The following SOX5 variants were observed in gnomAD, a reference collection of about 807,000 sequenced individuals.
SOX5 encodes the protein transcription factor SOX-5.
A neutral mutation model predicts 92.0 loss-of-function variants in SOX5; 9 were observed. The ratio of observed to expected loss-of-function variants is 0.10; its 90% confidence interval spans 0.06 to 0.17. The LOEUF (loss-of-function observed/expected upper bound fraction) is 0.17, where lower values mean the gene tolerates loss of function less well. SOX5 is among the 10% of genes least tolerant of loss of function. The pLI is 1.00. For missense variants in SOX5, 642 were observed against 944.5 expected (o/e 0.68, Z 4.20); for synonymous variants, 344 against 336.3 (o/e 1.02, Z -0.25).
intron 6 of SOX5, among the ~76,000 whole-genome samples, chr12:23,714,144 G>T (rs1196729498): frequency 6.6e-6 from 1 of 150,952 alleles, no homozygotes; most frequent in Non-Finnish European, 1.5e-5. Flanking sequence ...TGGTACATTT[G>T]CTCTTTCTTA....
At chr12:23,847,485 T>A (rs2096587664) in intron 2 of SOX5, among the ~76,000 whole-genome samples, 1 of 152,174 alleles carries the variant, frequency 6.6e-6, no homozygotes, top group Admixed American at 6.6e-5. Flanking sequence ...CTTAAAAATA[T>A]GCTAACATAC....
chr12:23,711,685 A>G (rs1454228852), intron 6 of SOX5, among the ~76,000 whole-genome samples: 2 of 152,220 alleles, frequency 1.3e-5, no homozygotes, highest in Non-Finnish European at 2.9e-5. Flanking sequence ...AAACGTTAAC[A>G]GAAAGAATCT....
Position 23,753,150 on chromosome 12 carries a change from A to G in SOX5, c.568+2488T>C, listed in dbSNP as rs2094234240. On this transcript the variant is annotated intron_variant, in intron 4 of 14. Transcript: ENST00000451604. ...AAATGCTATTCATTTTTCCTATTTT[A>G]AAAAGTCTATCATTTTTTACTTTTT... Among the ~76,000 whole-genome samples, 3 of 151,786 alleles carry G rather than the reference A, an allele frequency of 2.0e-5. No individual in the cohort carries two copies. The South Asian group carries it at 6.2e-4, about 31-fold the overall frequency.
chr12:24,203,232 T>G (rs1957705619), intron 4 of SOX5, among the ~76,000 whole-genome samples: 1 of 152,224 alleles, frequency 6.6e-6, no homozygotes, highest in Non-Finnish European at 1.5e-5. Flanking sequence ...GGGAGCTACT[T>G]CAGGGTGGAT....
chr12:24,363,769 G>A (rs1461613103), intron 2 of SOX5, among the ~76,000 whole-genome samples: 1 of 151,660 alleles, frequency 6.6e-6, no homozygotes, highest in Non-Finnish European at 1.5e-5. Context: ...CCATATATAG[G>A]AGCAGGTGTC....
intron 1 of SOX5, among the ~76,000 whole-genome samples, chr12:23,901,070 A>G (rs1037408009): frequency 7.9e-5 from 12 of 152,216 alleles, no homozygotes; most frequent in Non-Finnish European, 1.8e-4. Flanking sequence ...GTGTAATTAA[A>G]TTAAGTATTT....
Position 24,065,572 on chromosome 12 carries a change from G to A in SOX5, c.-2+147771C>T, listed in dbSNP as rs945350320. Among the ~76,000 whole-genome samples, 8 of 149,362 alleles carry A rather than the reference G, an allele frequency of 5.4e-5. 1 individual carries two copies. The South Asian group carries it at 1.3e-3, about 24-fold the overall frequency. On this transcript the variant is annotated intron_variant, in intron 4 of 4. Coordinates refer to the SOX5 transcript ENST00000446891. ...TGAGGCAAGAGAATCGCTTGAACCC[G>A]GGAGGCAGAGGTTGCAGTGAGCTGA...
chr12:23,920,572 A>G (rs1231967141), intron 1 of SOX5: 1 of 152,250 alleles, frequency 6.6e-6, no homozygotes, highest in Admixed American at 6.5e-5. Context: ...AATTGGAAGT[A>G]GAAGCTTCTT....
chr12:24,542,425 A>T (rs1014344471), intron 1 of SOX5, among the ~76,000 whole-genome samples: 1 of 152,044 alleles, frequency 6.6e-6, no homozygotes, highest in Non-Finnish European at 1.5e-5. Flanking sequence ...TCGATAATAC[A>T]CTCGATAGCA....
At chr12:24,306,102 G>A (rs1298028883) in intron 2 of SOX5, among the ~76,000 whole-genome samples, 1 of 152,154 alleles carries the variant, frequency 6.6e-6, no homozygotes, top group Non-Finnish European at 1.5e-5. Flanking sequence ...CTGCTTAAGA[G>A]ATTGTCAGAC....
chr12:23,960,491 T>TTATATACATATATA (rs1946772139), intron 4 of SOX5, among the ~76,000 whole-genome samples: 1 of 133,966 alleles, frequency 7.5e-6, no homozygotes, highest in African/African-American at 2.8e-5. Context: ...TTATATATAT[T>TTATATACATATATA]TATATACATA....
At position 23,666,306 on chromosome 12, in the gene SOX5, T is replaced by C. The variant is rs575184165; in HGVS notation, c.811-742A>G. On this transcript the variant is annotated intron_variant, in intron 6 of 14. Transcript: ENST00000451604. ...TAGACCACAGGGTCTCCATTTTGGTTGTCATCTTTGGAATATACTCTAATT... is the reference window on the plus strand; with the variant it reads ...TAGACCACAGGGTCTCCATTTTGGTCGTCATCTTTGGAATATACTCTAATT... Among the ~76,000 whole-genome samples the C allele has an allele frequency of 2.6e-4, 39 of 152,272 alleles. No homozygotes were observed. The South Asian group carries it at 6.8e-3, about 27-fold the overall frequency.
At chr12:24,072,320 C>G (rs569312490) in intron 4 of SOX5, among the ~76,000 whole-genome samples, 2 of 152,070 alleles carry the variant, frequency 1.3e-5, no homozygotes, top group Admixed American at 1.3e-4. Context: ...ATGTGTGCTC[C>G]TAAAAGAAAT....
At chr12:24,476,165 C>T (rs767585366) in intron 1 of SOX5, among the ~76,000 whole-genome samples, 7 of 152,160 alleles carry the variant, frequency 4.6e-5, no homozygotes, top group Non-Finnish European at 1.0e-4. Flanking sequence ...AGGGATACAG[C>T]ATCTAAGACT....
At chr12:23,740,130 C>A (rs2140988539) in intron 5 of SOX5, among the ~76,000 whole-genome samples, 1 of 152,322 alleles carries the variant, frequency 6.6e-6, no homozygotes, top group South Asian at 2.1e-4. Flanking sequence ...GAGCTCTCTT[C>A]CAAAATGCTG....
intron 2 of SOX5, among the ~76,000 whole-genome samples, chr12:23,874,259 C>A (rs1421608625): frequency 6.6e-6 from 1 of 152,108 alleles, no homozygotes; most frequent in African/African-American, 2.4e-5. Flanking sequence ...AAAATAAATT[C>A]TAACATTCAT....
Position 23,591,423 on chromosome 12 carries a change from A to C in SOX5, c.1164+12964T>G, listed in dbSNP as rs550341335. 9.2e-4 allele frequency among the ~76,000 whole-genome samples: 140 copies of C among 152,260 alleles called. 1 individual carries two copies. Among genetic ancestry groups the C allele is most frequent in the Non-Finnish European group, 1.8e-3 (121 of 67,968 alleles). On this transcript the variant is annotated intron_variant, in intron 9 of 14. Coordinates refer to ENST00000451604, the MANE Select transcript of SOX5 (RefSeq NM_006940.6). ...TAATGTGGTCCATCCTATAGAATTGATATCTTCTTCACTTATTTTGTTGTA... is the reference window on the plus strand; with the variant it reads ...TAATGTGGTCCATCCTATAGAATTGCTATCTTCTTCACTTATTTTGTTGTA...
At chr12:23,729,565 A>T (rs1038036759) in intron 6 of SOX5, among the ~76,000 whole-genome samples, 6 of 152,280 alleles carry the variant, frequency 3.9e-5, no homozygotes, top group African/African-American at 2.4e-5. Flanking sequence ...CTAGTCCTGC[A>T]CATGCTTAAC....
At chr12:24,093,717 A>T (rs1231514802) in intron 4 of SOX5, among the ~76,000 whole-genome samples, 2 of 148,658 alleles carry the variant, frequency 1.3e-5, no homozygotes, top group African/African-American at 2.5e-5. Flanking sequence ...TAATTGAATA[A>T]GACTGCAATG....
Sources: gnomAD v4.1 joint callset for allele counts (sites outside exome capture counted in the v4.1 genomes callset) on GRCh38, gnomAD v4.1.1 for gene constraint, MANE v1.5 for transcripts, NCBI Gene and HGNC (gene_info 2026-07-23, HGNC 2026-07-21) for gene names.